UBE2D3: variants seen among roughly 807,000 people sequenced by gnomAD.
The protein encoded by UBE2D3 is ubiquitin conjugating enzyme E2 D3, also known as ubiquitin-conjugating enzyme E2 D3.
UBE2D3 carries 2 observed loss-of-function variants against 22.8 expected under a neutral mutation model. That is an observed-to-expected ratio of 0.09 (90% CI 0.04 to 0.28). The LOEUF (loss-of-function observed/expected upper bound fraction) is 0.28. Ranked by LOEUF, UBE2D3 falls within the 10% of genes least tolerant of loss-of-function variation. The probability of loss-of-function intolerance (pLI) is 1.00; values close to 1 mark genes in which losing one functional copy is unlikely to be tolerated. For synonymous variants in UBE2D3, 56 were observed against 60.4 expected (o/e 0.93, Z 0.34); for missense variants, 27 against 182.5 (o/e 0.15, Z 4.91).
At chr4:102,857,616 T>C (rs1398723239) in intron 1 of UBE2D3, among the ~76,000 whole-genome samples, 1 of 152,230 alleles carries the variant, frequency 6.6e-6, no homozygotes, top group Non-Finnish European at 1.5e-5. Flanking sequence ...ATGCGTCTAC[T>C]GCATTTAGTT....
chr4:102,811,799 T>C (rs927425362), intron 2 of UBE2D3: 4 of 444,494 alleles, frequency 9.0e-6, no homozygotes, highest in Admixed American at 5.0e-5. Flanking sequence ...AGAGGACAGC[T>C]TGAGCGCAGG....
chr4:102,801,808 A>C, intron 5 of UBE2D3: 1 of 288,804 alleles, frequency 3.5e-6, no homozygotes, highest in Non-Finnish European at 6.5e-6. Context: ...CTGTGGCCCT[A>C]CCATATCATG....
chr4:102,865,357 T>C (rs1436259507), intron 1 of UBE2D3, among the ~76,000 whole-genome samples: 2 of 151,918 alleles, frequency 1.3e-5, no homozygotes, highest in African/African-American at 4.8e-5. Flanking sequence ...CCGGGAGTGG[T>C]GGCGGGCGCC....
intron 1 of UBE2D3, among the ~76,000 whole-genome samples, chr4:102,859,881 T>C (rs563947389): frequency 1.3e-5 from 2 of 151,216 alleles, no homozygotes; most frequent in South Asian, 4.2e-4. Flanking sequence ...AGTCTCGCTC[T>C]GTCACCCAGG....
At chr4:102,850,888 T>C (rs1732307649) in intron 1 of UBE2D3, among the ~76,000 whole-genome samples, 1 of 150,158 alleles carries the variant, frequency 6.7e-6, no homozygotes. Flanking sequence ...GCTATGAAGA[T>C]GCAAAGGCTT....
In UBE2D3 at chr4:102,820,974, A is replaced by G. The variant is rs553769016; in HGVS notation, c.24+5511T>C. On this transcript the variant is annotated intron_variant, in intron 2 of 7. Coordinates refer to ENST00000453744, the MANE Select transcript of UBE2D3 (RefSeq NM_181891.3). ...AGATTATGTTGAAAGTATCATTAGG[A>G]GATAAAAATCAGATGTTTCAACAAA... 1.1e-4 allele frequency among the ~76,000 whole-genome samples: 16 copies of G among 152,328 alleles called. No homozygotes were observed. The South Asian group carries it at 3.1e-3, about 30-fold the overall frequency.
intron 1 of UBE2D3, among the ~76,000 whole-genome samples, chr4:102,860,417 G>C (rs644930): frequency 7.1e-6 from 1 of 141,616 alleles, no homozygotes; most frequent in Non-Finnish European, 1.5e-5. Context: ...GTGTGTGTGT[G>C]TGTGTATGTG....
At chr4:102,850,669 T>G (rs1327634528) in intron 1 of UBE2D3, among the ~76,000 whole-genome samples, 1 of 152,174 alleles carries the variant, frequency 6.6e-6, no homozygotes, top group Non-Finnish European at 1.5e-5. Context: ...TACTTATATT[T>G]CTCTGTGAAC....
chr4:102,834,453 G>C (rs1325494358), intron 1 of UBE2D3, among the ~76,000 whole-genome samples: 1 of 152,030 alleles, frequency 6.6e-6, no homozygotes, highest in African/African-American at 2.4e-5. Context: ...AATAGAAAAA[G>C]TCACAAGATT....
chr4:102,801,438 C>T lies in UBE2D3; in HGVS notation c.304+16G>A. 6.3e-7 allele frequency: 1 copy of T among 1,586,776 alleles called. No homozygotes were observed. The highest frequency in any genetic ancestry group is 8.6e-7 in the Non-Finnish European group (1 of 1,158,778). ...ATTAGACAATGAGAACAGCTTATTT[C>T]ACTAGAAATATTTACCTTTAGAAAT... On this transcript the variant is annotated intron_variant, in intron 6 of 7. Transcript: ENST00000453744.
Position 102,813,422 on chromosome 4 carries a change from T to G in UBE2D3, c.25-3567A>C, listed in dbSNP as rs78398243. Among the ~76,000 whole-genome samples the G allele has an allele frequency of 1.2e-4, 18 of 152,306 alleles. No homozygotes were observed. In the East Asian group the frequency reaches 3.1e-3, roughly 26 times the overall value. On this transcript the variant is annotated intron_variant, in intron 2 of 7. Transcript: ENST00000453744. ...ATGAATTTTGTTGATTGACTCCATG[T>G]GGGAAGAAAAGGTGACGCTAAGATT...
intron 2 of UBE2D3, among the ~76,000 whole-genome samples, chr4:102,818,187 A>C (rs573183102): frequency 6.6e-6 from 1 of 152,212 alleles, no homozygotes; most frequent in Non-Finnish European, 1.5e-5. Flanking sequence ...GGTTCCACTC[A>C]CGTTGAAGGG....
Position 102,799,504 on chromosome 4 carries a change from C to CA in UBE2D3, c.305-5dup. On this transcript the variant is annotated splice_region_variant and splice_polypyrimidine_tract_variant and intron_variant, in intron 6 of 7. Transcript: ENST00000453744. ...AGTGAACAAATGGATAAAAGAACTG[C>CA]AAGAAAACAAAAACATCTGTTACCC... 6.2e-7 allele frequency: 1 copy of CA among 1,600,700 alleles called. No homozygotes were observed.
At chr4:102,828,107 G>T (rs1730868448), upstream of UBE2D3, 2 of 985,436 alleles carry the variant, frequency 2.0e-6, no homozygotes, top group Non-Finnish European at 2.4e-6. Context: ...CTCGAACTGG[G>T]GCGGGCCACT....
chr4:102,840,880 G>A (rs1338724200), intron 1 of UBE2D3, among the ~76,000 whole-genome samples: 7 of 151,974 alleles, frequency 4.6e-5, no homozygotes, highest in South Asian at 2.1e-4. Context: ...AGCTGGGCAC[G>A]GTGGCAGGCG....
At chr4:102,857,971 C>A (rs556542890) in intron 1 of UBE2D3, among the ~76,000 whole-genome samples, 2 of 152,098 alleles carry the variant, frequency 1.3e-5, no homozygotes, top group African/African-American at 4.8e-5. Flanking sequence ...GGGTTACAGG[C>A]ATGAGCCACC....
At chr4:102,823,823 G>T (rs1444496479) in intron 2 of UBE2D3, among the ~76,000 whole-genome samples, 1 of 152,138 alleles carries the variant, frequency 6.6e-6, no homozygotes, top group East Asian at 1.9e-4. Context: ...CGATCAAATG[G>T]ACTAAAGGTT....
At chr4:102,806,395 A>G (rs968112340) in intron 4 of UBE2D3, among the ~76,000 whole-genome samples, 9 of 152,092 alleles carry the variant, frequency 5.9e-5, no homozygotes, top group Admixed American at 2.0e-4. Context: ...ACATTTACTT[A>G]TATTTCTCTT....
intron 1 of UBE2D3, among the ~76,000 whole-genome samples, chr4:102,843,071 C>G (rs1179238415): frequency 6.6e-6 from 1 of 152,150 alleles, no homozygotes; most frequent in African/African-American, 2.4e-5. Context: ...GATCTTGCCA[C>G]TGCACTCCAG....
Sources: allele counts gnomAD v4.1 joint callset (sites outside exome capture counted in the v4.1 genomes callset), GRCh38; gene constraint gnomAD v4.1.1; transcripts MANE v1.5; gene names NCBI Gene and HGNC (gene_info 2026-07-23, HGNC 2026-07-21).